The following SYT1 variants were observed in gnomAD, a reference collection of about 807,000 sequenced individuals.
The protein encoded by SYT1 is synaptotagmin-1.
Under a neutral mutation model 44.8 loss-of-function variants are expected in SYT1, and 8 were observed. The observed-to-expected ratio is 0.18, with a 90% CI of 0.10 to 0.32. The LOEUF (loss-of-function observed/expected upper bound fraction) is 0.32. SYT1 is among the 10% of genes least tolerant of loss of function. The pLI is 1.00. For synonymous variants in SYT1, 154 were observed against 188.8 expected, an observed-to-expected ratio of 0.82 and a Z score of 1.51; for missense variants, 286 against 509.3, an observed-to-expected ratio of 0.56 and a Z score of 4.22.
chr12:79,329,683 A>C (rs1181001422), intron 8 of SYT1, among the ~76,000 whole-genome samples: 1 of 152,156 alleles, frequency 6.6e-6, no homozygotes, highest in East Asian at 1.9e-4. Flanking sequence ...CAATCTGCAC[A>C]AGGTCACCTA....
At chr12:79,191,016 G>A (rs894608699) in intron 3 of SYT1, among the ~76,000 whole-genome samples, 7 of 151,830 alleles carry the variant, frequency 4.6e-5, no homozygotes, top group African/African-American at 1.7e-4. Flanking sequence ...GTGAGTCTTG[G>A]AGCAGAGAGG....
intron 1 of SYT1, among the ~76,000 whole-genome samples, chr12:78,973,154 T>C (rs1392552697): frequency 6.6e-6 from 1 of 152,216 alleles, no homozygotes; most frequent in East Asian, 1.9e-4. Context: ...AAATGATATG[T>C]ATTTACATGC....
chr12:79,447,636 A>G (rs939535396), intron 10 of SYT1, among the ~76,000 whole-genome samples: 2 of 152,208 alleles, frequency 1.3e-5, no homozygotes, highest in Non-Finnish European at 2.9e-5. Context: ...AAATTTGCTT[A>G]GAACAAGCTC....
At chr12:79,138,852 G>A (rs1387138547) in intron 3 of SYT1, among the ~76,000 whole-genome samples, 1 of 152,110 alleles carries the variant, frequency 6.6e-6, no homozygotes, top group Admixed American at 6.5e-5. Context: ...TGAGGCAAGT[G>A]TGCCACTTGC....
intron 3 of SYT1, among the ~76,000 whole-genome samples, chr12:79,056,250 G>A (rs1313153567): frequency 6.6e-6 from 1 of 152,024 alleles, no homozygotes; most frequent in East Asian, 1.9e-4. Context: ...AAGTGTGAGG[G>A]AAGAAAGAAA....
intron 1 of SYT1, among the ~76,000 whole-genome samples, chr12:78,963,370 G>A (rs894638041): frequency 9.2e-5 from 14 of 152,162 alleles, no homozygotes; most frequent in East Asian, 3.9e-4. Flanking sequence ...AAACGATGGC[G>A]TGAAAAGACT....
At chr12:79,138,291 T>G (rs1046635625) in intron 3 of SYT1, among the ~76,000 whole-genome samples, 2 of 152,070 alleles carry the variant, frequency 1.3e-5, no homozygotes, top group African/African-American at 4.8e-5. Context: ...AATGAAATCA[T>G]GTATGATTTT....
intron 8 of SYT1, among the ~76,000 whole-genome samples, chr12:79,304,928 G>T (rs1358246892): frequency 6.6e-6 from 1 of 152,100 alleles, no homozygotes; most frequent in East Asian, 1.9e-4. Context: ...TGCTACAGAA[G>T]TATAGATGTG....
intron 10 of SYT1, among the ~76,000 whole-genome samples, chr12:79,445,119 C>T (rs1397174194): frequency 6.6e-6 from 1 of 152,072 alleles, no homozygotes; most frequent in African/African-American, 2.4e-5. Flanking sequence ...AAACCTACAA[C>T]AAAGAACCTT....
At position 79,343,569 on chromosome 12, in the gene SYT1, A is replaced by G. The variant is rs373512348; in HGVS notation, c.811-9933A>G. Among the ~76,000 whole-genome samples, 4 of 152,190 alleles carry G rather than the reference A, an allele frequency of 2.6e-5. No homozygotes were observed. In the East Asian group the frequency reaches 5.8e-4, roughly 22 times the overall value. ...GGAATTGAACCTAAGTAGCCTGACT[A>G]TAGAGTCCATGTTGTTACAAAGTCA... On this transcript the variant is annotated intron_variant, in intron 8 of 10. Coordinates refer to ENST00000261205, the MANE Select transcript of SYT1 (RefSeq NM_005639.3).
chr12:79,273,511 T>C (rs796600694), intron 4 of SYT1, among the ~76,000 whole-genome samples: 5 of 152,266 alleles, frequency 3.3e-5, no homozygotes, highest in African/African-American at 1.2e-4. Context: ...GGCAGAAAAC[T>C]GTGAGTCTCC....
At chr12:79,029,219 T>G (rs1232896997) in intron 2 of SYT1, among the ~76,000 whole-genome samples, 2 of 151,158 alleles carry the variant, frequency 1.3e-5, no homozygotes, top group Admixed American at 1.3e-4. Flanking sequence ...TTATAGCCTT[T>G]GTTAATGCAT....
chr12:79,354,788 T>A (rs1883045838), intron 9 of SYT1, among the ~76,000 whole-genome samples: 1 of 152,196 alleles, frequency 6.6e-6, no homozygotes, highest in African/African-American at 2.4e-5. Flanking sequence ...TGCAGAGAAA[T>A]TTTTAACTAC....
At chr12:79,069,199 T>C (rs529983290) in intron 3 of SYT1, among the ~76,000 whole-genome samples, 12 of 152,124 alleles carry the variant, frequency 7.9e-5, no homozygotes, top group African/African-American at 1.2e-4. Flanking sequence ...TGATGAACAA[T>C]GTGAAACCAA....
intron 1 of SYT1, among the ~76,000 whole-genome samples, chr12:78,900,076 G>A (rs1439521874): frequency 1.3e-5 from 2 of 152,022 alleles, no homozygotes; most frequent in Non-Finnish European, 2.9e-5. Context: ...CAAATAAATG[G>A]TCATTGAAAA....
At chr12:79,193,232 T>C (rs1285322453) in intron 3 of SYT1, among the ~76,000 whole-genome samples, 1 of 152,140 alleles carries the variant, frequency 6.6e-6, no homozygotes, top group East Asian at 1.9e-4. Context: ...GCCTTATTTT[T>C]TACAAAAATG....
intron 9 of SYT1, among the ~76,000 whole-genome samples, chr12:79,356,090 G>A (rs1470440687): frequency 6.6e-6 from 1 of 151,678 alleles, no homozygotes; most frequent in Non-Finnish European, 1.5e-5. Flanking sequence ...CCTGGAAGAA[G>A]TGATGAATTG....
At chr12:79,006,496 A>G (rs1478420553) in intron 2 of SYT1, among the ~76,000 whole-genome samples, 1 of 152,132 alleles carries the variant, frequency 6.6e-6, no homozygotes, top group Non-Finnish European at 1.5e-5. Flanking sequence ...CATGTTACTA[A>G]GAATGATGAT....
intron 3 of SYT1, among the ~76,000 whole-genome samples, chr12:79,083,294 G>T (rs939342457): frequency 6.6e-6 from 1 of 152,142 alleles, no homozygotes; most frequent in Non-Finnish European, 1.5e-5. Context: ...ATACATTACT[G>T]ACTGAAGTAT....
Sources: gnomAD v4.1 joint callset for allele counts (sites outside exome capture counted in the v4.1 genomes callset) on GRCh38, gnomAD v4.1.1 for gene constraint, MANE v1.5 for transcripts, NCBI Gene and HGNC (gene_info 2026-07-23, HGNC 2026-07-21) for gene names.